Variants in PENK observed in about 807,000 individuals in gnomAD.
The protein encoded by PENK is proenkephalin.
PENK carries 25 observed loss-of-function variants against 24.1 expected under a neutral mutation model. The ratio of observed to expected loss-of-function variants is 1.04; its 90% CI spans 0.76 to 1.45. The LOEUF (loss-of-function observed/expected upper bound fraction) is 1.45, where lower values mean the gene tolerates loss of function less well. Among genes scored for constraint, PENK ranks in the 40% most tolerant of loss-of-function variants. The pLI is 0.00. For synonymous variants in PENK, 135 were observed against 130.3 expected (o/e 1.04, Z -0.24); for missense variants, 353 against 337.9 (o/e 1.04, Z -0.35).
intron 3 of PENK, chr8:56,445,570 G>A: frequency 1.6e-6 from 1 of 614,084 alleles, no homozygotes; most frequent in Non-Finnish European, 2.9e-6. Flanking sequence ...GGTTTGTGCG[G>A]CGACACCGCT....
intron 3 of PENK, chr8:56,443,754 A>G (rs990821635): frequency 4.8e-6 from 2 of 412,808 alleles, no homozygotes; most frequent in Middle Eastern, 1.1e-3. Context: ...ACAGTCACTA[A>G]GTAAACCTTT....
Position 56,445,821 on chromosome 8 carries a change from A to G in PENK, c.133T>C (p.Phe45Leu), listed in dbSNP as rs1426013465. The G allele has an allele frequency of 2.5e-6, 4 of 1,613,398 alleles. No homozygotes were observed. ...TCGCCGCGCGCAACACTCACCAGGAAGTTGATGTCGGCCGGGCGCACTAGG... is the reference window on the plus strand; with the variant it reads ...TCGCCGCGCGCAACACTCACCAGGAGGTTGATGTCGGCCGGGCGCACTAGG... ...YRLVRPADIN[F>L]LACVMECEGK... is the part of the protein sequence containing the mutation. The change falls in exon 3 of 4, where the codon TTC becomes CTC. Residue 45 changes from phenylalanine to leucine, a missense_variant. Physicochemically the swap from Phe to Leu is conservative, Grantham distance 22. Transcript: ENST00000451791.
rs780821987 is a variant in PENK at position 56,443,987 on chromosome 8, A to G, written c.138+1829T>C. The G allele has an allele frequency of 1.3e-5, 9 of 702,428 alleles. No homozygotes were observed. The South Asian group carries it at 1.3e-4, about 10-fold the overall frequency. The allele number at this position is 702,428 out of a possible 1,614,324, so 43.5% of individuals were successfully genotyped here. A position where few individuals can be genotyped will look rare whatever the true frequency, so the allele number is the denominator to read the frequency against. On this transcript the variant is annotated intron_variant, in intron 3 of 3. Transcript: ENST00000451791. ...AAAAGCAGTATGGAAAATTCTGGAA[A>G]GAGCAGCCTTCCTCTTCTCCTCCCC... is the stretch of plus-strand genomic sequence containing the variant.
intron 3 of PENK, chr8:56,443,970 T>C (rs1804605180): frequency 2.8e-6 from 2 of 702,144 alleles, no homozygotes; most frequent in Non-Finnish European, 5.2e-6. Context: ...TAAAAAGCAG[T>C]ATGGAAAATT....
At chr8:56,445,077 T>C (rs1245243604) in intron 3 of PENK, among the ~76,000 whole-genome samples, 2 of 152,210 alleles carry the variant, frequency 1.3e-5, no homozygotes, top group Non-Finnish European at 2.9e-5. Flanking sequence ...TGGACTGTTG[T>C]CACCCATTGG....
intron 3 of PENK, among the ~76,000 whole-genome samples, chr8:56,443,021 T>C (rs1804587908): frequency 6.6e-6 from 1 of 152,160 alleles, no homozygotes; most frequent in South Asian, 2.1e-4. Context: ...TTATTAAAAA[T>C]ATACTGGTAT....
rs1272541078 is a variant in PENK, at chr8:56,441,368, G to A, written c.708C>T (p.Arg236=). Residue 236 remains arginine, a synonymous_variant, in exon 4 of 4, where the codon CGC becomes CGT. Transcript: ENST00000451791. ...YQKRYGGFLK[R]FAEALPSDEE... The stretch of plus-strand genomic sequence containing the variant: ...CGTCGGAGGGCAGAGCCTCGGCAAA[G>A]CGCTTCAGGAAACCTCCATACCGTT... 6.2e-7 allele frequency: 1 copy of A among 1,614,042 alleles called. No individual in the cohort carries two copies. Among genetic ancestry groups the A allele is most frequent in the African/African-American group, 1.3e-5 (1 of 74,940 alleles).
chr8:56,444,906 G>C (rs1018825211), intron 3 of PENK, among the ~76,000 whole-genome samples: 6 of 152,208 alleles, frequency 3.9e-5, no homozygotes, highest in Non-Finnish European at 7.3e-5. Context: ...ATTGTCAGGG[G>C]AGCTGGTAAA....
At chr8:56,442,087 T>G (rs1238388911) in intron 3 of PENK, 150 bp from the exon 4 acceptor site, 21 of 626,266 alleles carry the variant, frequency 3.4e-5, no homozygotes, top group Non-Finnish European at 5.8e-5. Context: ...CGACTTTTCA[T>G]AAGGCTGAGC....
At chr8:56,443,695 T>A in intron 3 of PENK, 1 of 374,036 alleles carries the variant, frequency 2.7e-6, no homozygotes, top group East Asian at 4.6e-5. Context: ...GTTTCTCACA[T>A]GTCTTTTGCA....
At chr8:56,446,125 G>A in intron 2 of PENK, 169 bp from the exon 3 acceptor site, 1 of 683,218 alleles carries the variant, frequency 1.5e-6, no homozygotes, top group South Asian at 2.3e-5. Flanking sequence ...AGGTAGACGT[G>A]GAGGCGACTC....
At position 56,445,478 on chromosome 8, in the gene PENK, C is replaced by T. The variant is rs553924638; in HGVS notation, c.138+338G>A. ...TGACAGCCATCTTCCTTCTGACAGC[C>T]CAGGAGAGAACCCAGTGCTATCCGA... is the stretch of plus-strand genomic sequence containing the variant. On this transcript the variant is annotated intron_variant, in intron 3 of 3. Transcript: ENST00000451791. 5.4e-6 allele frequency: 3 copies of T among 557,400 alleles called. No individual in the cohort carries two copies. The East Asian group carries it at 8.5e-5, about 16-fold the overall frequency. The allele number at this position is 557,400 out of a possible 1,614,324, so 34.5% of individuals were successfully genotyped here.
chr8:56,444,027 A>G (rs1000740966), intron 3 of PENK: 1 of 701,800 alleles, frequency 1.4e-6, no homozygotes, highest in African/African-American at 1.7e-5. Flanking sequence ...ATCCTGTTAC[A>G]TGATGAGAAG....
rs1314976582 is a variant in PENK, at chr8:56,441,623, G to C, written c.453C>G (p.Ala151=). The C allele has an allele frequency of 1.9e-6, 3 of 1,614,024 alleles. No individual in the cohort carries two copies. The highest frequency in any genetic ancestry group is 3.3e-5 in the Admixed American group (2 of 60,004). ...GCTCTTTTAGCAGGTCTGAGGAATTGGCCAGCGAGTCGTCCTCCTCTGCAT... is the reference window on the plus strand; with the variant it reads ...GCTCTTTTAGCAGGTCTGAGGAATTCGCCAGCGAGTCGTCCTCCTCTGCAT... ...KKDAEEDDSL[A]NSSDLLKELL... is the part of the protein sequence containing the mutation. The change falls in exon 4 of 4, where the codon GCC becomes GCG. Residue 151 remains alanine (A), a synonymous_variant. Transcript: ENST00000451791.
At position 56,441,590 on chromosome 8, in the gene PENK, T is replaced by C. The variant is rs1804556417; in HGVS notation, c.486A>G (p.Glu162=). 6.2e-7 allele frequency: 1 copy of C among 1,613,946 alleles called. No homozygotes were observed. The highest frequency in any genetic ancestry group is 8.5e-7 in the Non-Finnish European group (1 of 1,180,004). The change falls in exon 4 of 4, where the codon GAA becomes GAG. Residue 162 remains glutamate, a synonymous_variant. Coordinates refer to ENST00000451791, the MANE Select transcript of PENK (RefSeq NM_001135690.3). ...GGCTACGCTCTCGGTTGTCCCCTGT[T>C]TCCAGAAGCTCTTTTAGCAGGTCTG... The part of the protein sequence containing the change: ...NSSDLLKELL[E]TGDNRERSHH...
In PENK at chr8:56,441,159, GAAGTCAACTATAC is replaced by G. The variant is rs2128941044; in HGVS notation, c.*100_*112del. 2.7e-6 allele frequency: 2 copies of G among 741,760 alleles called. No homozygotes were observed. Among genetic ancestry groups the G allele is most frequent in the South Asian group, 3.7e-5 (2 of 54,680 alleles). The allele number at this position is 741,760 out of a possible 1,614,324, so 45.9% of individuals were successfully genotyped here. On this transcript the variant is annotated 3_prime_UTR_variant, in exon 4 of 4. Transcript: ENST00000451791. ...CAGGTTGTATAGTTATCCAGACAAT[GAAGTCAACTATAC>G]AAGGCAAGCAACACATGACAATAAA...
chr8:56,446,243 A>G, intron 2 of PENK, 183 bp downstream of exon 2: 1 of 465,446 alleles, frequency 2.1e-6, no homozygotes, highest in Non-Finnish European at 3.8e-6. Context: ...GATTCCGGAG[A>G]GAACGCCGCA....
intron 2 of PENK, 79 bp from the exon 3 acceptor site, chr8:56,446,035 A>G (rs1419056400): frequency 1.4e-6 from 2 of 1,442,694 alleles, no homozygotes; most frequent in East Asian, 5.0e-5. Flanking sequence ...TCGCCGCGAC[A>G]GCCTCAGCAG....
In PENK at chr8:56,441,293, G is replaced by A. The variant is rs34189005; in HGVS notation, c.783C>T (p.Tyr261=). 9,087 of 1,605,600 alleles carry A rather than the reference G, an allele frequency of 5.7e-3. 440 individuals are homozygous for A. The African/African-American group carries it at 0.11, about 19-fold the overall frequency. The part of the protein sequence containing the change: ...SKEVPEMEKR[Y]GGFMRF ...GATATTAAAATCTCATAAATCCTCC[G>A]TATCTTTTTTCCATTTCAGGAACTT... Residue 261 remains tyrosine (Y), a synonymous_variant, in exon 4 of 4, where the codon TAC becomes TAT. Transcript: ENST00000451791.
Sources: gnomAD v4.1 joint callset for allele counts (sites outside exome capture counted in the v4.1 genomes callset) on GRCh38, gnomAD v4.1.1 for gene constraint, MANE v1.5 for transcripts, NCBI Gene and HGNC (gene_info 2026-07-23, HGNC 2026-07-21) for gene names.